The following DNAH1 variants were observed in gnomAD, a reference collection of about 807,000 sequenced individuals.
DNAH1 encodes the protein dynein axonemal heavy chain 1.
In DNAH1, 327 loss-of-function variants were observed where a neutral mutation model predicts 484.3. The observed-to-expected ratio is 0.68, with a 90% CI of 0.62 to 0.74. DNAH1 has a LOEUF of 0.74. Ranked by LOEUF, DNAH1 falls within the 30% of genes least tolerant of loss-of-function variation. The pLI, the probability that DNAH1 is intolerant of heterozygous loss-of-function variation, is 0.00. For missense variants in DNAH1, 5,052 were observed against 5,546.8 expected (o/e 0.91, Z 2.83); for synonymous variants, 2,192 against 2,191.9 (o/e 1.00, Z 0.00).
At chr3:52,338,802 G>A (rs1275954746) in intron 8 of DNAH1, among the ~76,000 whole-genome samples, 1 of 151,218 alleles carries the variant, frequency 6.6e-6, no homozygotes, top group Non-Finnish European at 1.5e-5. Flanking sequence ...GAGGTGGGTG[G>A]ATCGCCTGAG....
rs768564169 is a variant in DNAH1 at position 52,361,182 on chromosome 3, C to T, written c.4704C>T (p.Thr1568=). 34 of 1,609,684 alleles carry T rather than the reference C, an allele frequency of 2.1e-5. No individual in the cohort carries two copies. Among genetic ancestry groups the T allele is most frequent in the African/African-American group, 2.7e-5 (2 of 74,868 alleles). ...CCTGCAGGTGCTACCTGACACTGAC[C>T]GGAGCTCTGCACCTCAAGTTTGGGG... ...PLTDRCYLTL[T]GALHLKFGGA... is the part of the protein sequence containing the mutation. Residue 1568 remains threonine, a synonymous_variant, in exon 29 of 78, where the codon ACC becomes ACT. Coordinates refer to ENST00000420323, the MANE Select transcript of DNAH1 (RefSeq NM_015512.5). This position sits in a 1 kb window ranked among gnomAD's most constrained non-coding sequence, Gnocchi z 5.6.
chr3:52,330,392 CA>C (rs1419004300), intron 6 of DNAH1, among the ~76,000 whole-genome samples: 27 of 152,288 alleles, frequency 1.8e-4, no homozygotes, highest in Non-Finnish European at 2.9e-4. Flanking sequence ...GTGCCTGGGA[CA>C]GGGGTGCTAT....
chr3:52,328,673 C>T (rs1396510665), intron 6 of DNAH1, among the ~76,000 whole-genome samples: 1 of 152,262 alleles, frequency 6.6e-6, no homozygotes, highest in Non-Finnish European at 1.5e-5. Flanking sequence ...TCAGGCCTGC[C>T]CCAGCGGCTG....
chr3:52,389,805 TA>T (rs1270595801), intron 60 of DNAH1, among the ~76,000 whole-genome samples: 1 of 152,148 alleles, frequency 6.6e-6, no homozygotes. Flanking sequence ...GGAGAGGGAT[TA>T]GGGGTACTTT....
Position 52,355,126 on chromosome 3 carries a change from A to T in DNAH1, c.3693+71A>T. 6.8e-7 allele frequency: 1 copy of T among 1,477,866 alleles called. No individual in the cohort carries two copies. 91.5% of individuals were successfully genotyped at this position (1,477,866 alleles called of 1,614,324 possible). A position where few individuals can be genotyped will look rare whatever the true frequency, so the allele number is the denominator to read the frequency against. On this transcript the variant is annotated intron_variant, in intron 21 of 77. Transcript: ENST00000420323. The surrounding 1 kb of genome is among the most constrained non-coding windows in gnomAD (Gnocchi z 4.5). ...AGAGCCCGACCCACAGGTGTCACTGATGGTCTCCGGGTGGGGTTCAAAGCA... is the reference window on the plus strand; with the variant it reads ...AGAGCCCGACCCACAGGTGTCACTGTTGGTCTCCGGGTGGGGTTCAAAGCA...
Position 52,383,500 on chromosome 3 carries a change from A to G in DNAH1, c.8056A>G (p.Ile2686Val), listed in dbSNP as rs778862269. ...GATCGTCAGCACCATGCGGCCCTAT[A>G]TCCAGGAGCAGGGCCTACAGCCCAC... Reference protein sequence around the residue: ...DQIVSTMRPYIQEQGLQPTKA... With the variant: ...DQIVSTMRPYVQEQGLQPTKA... Residue 2686 changes from isoleucine to valine, a missense_variant, in exon 51 of 78, where the codon ATC becomes GTC. This residue lies in a region of DNAH1 where 2,929 missense variants were observed against 3,409.4 expected (regional missense o/e 0.86). Transcript: ENST00000420323. 5.0e-6 allele frequency: 8 copies of G among 1,613,870 alleles called. No individual in the cohort carries two copies. The highest frequency in any genetic ancestry group is 6.8e-6 in the Non-Finnish European group (8 of 1,179,826).
chr3:52,326,587 C>G (rs1701353507), intron 4 of DNAH1, 148 bp from the exon 5 acceptor site: 2 of 1,059,156 alleles, frequency 1.9e-6, no homozygotes, highest in Admixed American at 2.8e-5. Flanking sequence ...CACACCACTT[C>G]CTGATGAGTC....
At chr3:52,391,783 C>T (rs1380201097) in intron 63 of DNAH1, among the ~76,000 whole-genome samples, 180 bp downstream of exon 63, 1 of 152,166 alleles carries the variant, frequency 6.6e-6, no homozygotes, top group Admixed American at 6.5e-5. Context: ...TCCTCCTACC[C>T]ACTACTGTTT....
At position 52,396,919 on chromosome 3, in the gene DNAH1, G is replaced by A; in HGVS notation, c.11662G>A (p.Asp3888Asn). Reference sequence around the variant, plus strand: ...CAATTACGGGGGCCGTGTCACTGATGACTGGGACCGGCGCTGCATCATGAA... The same window carrying A: ...CAATTACGGGGGCCGTGTCACTGATAACTGGGACCGGCGCTGCATCATGAA... ...EINYGGRVTD[D>N]WDRRCIMNIL... Residue 3888 changes from aspartate (D) to asparagine (N), a missense_variant, in exon 73 of 78, where the codon GAC (aspartate) becomes AAC (asparagine). This residue lies in a region of DNAH1 where 853 missense variants were observed against 899.0 expected (regional missense o/e 0.95). Transcript: ENST00000420323. 6.3e-7 allele frequency: 1 copy of A among 1,593,614 alleles called. No homozygotes were observed. Among genetic ancestry groups the A allele is most frequent in the South Asian group, 1.1e-5 (1 of 90,648 alleles).
upstream of DNAH1, among the ~76,000 whole-genome samples, chr3:52,311,875 G>T (rs112145623): frequency 1.3e-5 from 2 of 152,188 alleles, no homozygotes; most frequent in African/African-American, 4.8e-5. Context: ...CTCTGGGCCC[G>T]CCAAAGCCGG....
rs746338722 is a variant in DNAH1, at chr3:52,396,601, C to T, written c.11431-17C>T. ...CCGTCCCCGCTCCTCACCTCCCCTG[C>T]CTCCCACCTCCCCCAGGTGATGGAG... On this transcript the variant is annotated splice_polypyrimidine_tract_variant and intron_variant, in intron 71 of 77. Coordinates refer to ENST00000420323, the MANE Select transcript of DNAH1 (RefSeq NM_015512.5). 6.2e-7 allele frequency: 1 copy of T among 1,610,696 alleles called. No homozygotes were observed. The highest frequency in any genetic ancestry group is 2.2e-5 in the East Asian group (1 of 44,794).
Position 52,395,799 on chromosome 3 carries a change from G to A in DNAH1, c.11259+121G>A. The A allele has an allele frequency of 7.2e-7, 1 of 1,390,910 alleles. No homozygotes were observed. Among genetic ancestry groups the A allele is most frequent in the Non-Finnish European group, 9.8e-7 (1 of 1,023,064 alleles). 86.2% of individuals were successfully genotyped at this position (1,390,910 alleles called of 1,614,324 possible). On this transcript the variant is annotated intron_variant, in intron 70 of 77. Coordinates refer to ENST00000420323, the MANE Select transcript of DNAH1 (RefSeq NM_015512.5). This position sits in a 1 kb window ranked among gnomAD's most constrained non-coding sequence, Gnocchi z 4.4. ...GCCCAGCCTCTAGCACGTGGCAAGT[G>A]CTCAGCAACTGACATGTGCCACACA... is the stretch of plus-strand genomic sequence containing the variant.
intron 6 of DNAH1, among the ~76,000 whole-genome samples, chr3:52,330,198 C>T (rs1216604352): frequency 6.6e-6 from 1 of 152,208 alleles, no homozygotes; most frequent in Non-Finnish European, 1.5e-5. Context: ...TTATCGAACA[C>T]CTGCAAGGTA....
chr3:52,324,288 G>C (rs1468820230), intron 3 of DNAH1, among the ~76,000 whole-genome samples: 15 of 152,182 alleles, frequency 9.9e-5, no homozygotes, highest in Admixed American at 9.8e-4. Context: ...ATAGATGCCT[G>C]GGAGATCCCT....
chr3:52,399,409 T>C (rs1463882137), intron 76 of DNAH1, 136 bp from the exon 77 acceptor site: 2 of 939,730 alleles, frequency 2.1e-6, no homozygotes, highest in Non-Finnish European at 3.2e-6. Context: ...CCACAGGCCA[T>C]GGGCTAAAGT....
chr3:52,327,313 A>G (rs1701382138), intron 5 of DNAH1, among the ~76,000 whole-genome samples: 2 of 152,084 alleles, frequency 1.3e-5, no homozygotes, highest in African/African-American at 4.8e-5. Flanking sequence ...AAATCAGGAA[A>G]CGAATCCAGG....
At chr3:52,373,735 C>G in intron 44 of DNAH1, 3 of 1,382,916 alleles carry the variant, frequency 2.2e-6, no homozygotes, top group Non-Finnish European at 3.1e-6. Flanking sequence ...GTTTCTGATC[C>G]ACTAAGTGAA....
Position 52,395,956 on chromosome 3 carries a change from T to C in DNAH1, c.11259+278T>C, listed in dbSNP as rs71297397. On this transcript the variant is annotated intron_variant, in intron 70 of 77. Transcript: ENST00000420323. This position sits in a 1 kb window ranked among gnomAD's most constrained non-coding sequence, Gnocchi z 4.4. ...CAAAGCCCTTTTTTTTTTTTTTTTT[T>C]CAGACGGAGTCTCACTCTGTCACCG... 0.054 allele frequency among the ~76,000 whole-genome samples: 8,021 copies of C among 149,426 alleles called. 397 individuals are homozygous for C. The highest frequency in any genetic ancestry group is 0.16 in the Admixed American group (2,392 of 14,970).
At position 52,358,229 on chromosome 3, in the gene DNAH1, GCAC is replaced by G. The variant is rs1702700137; in HGVS notation, c.4086+227_4086+229del. 6.6e-6 allele frequency among the ~76,000 whole-genome samples: 1 copy of G among 152,232 alleles called. No individual in the cohort carries two copies. The highest frequency in any genetic ancestry group is 6.5e-5 in the Admixed American group (1 of 15,284). On this transcript the variant is annotated intron_variant, in intron 24 of 77. Transcript: ENST00000420323. This position sits in a 1 kb window ranked among gnomAD's most constrained non-coding sequence, Gnocchi z 4.2. ...TCACCAGGCGCTCCCTGTGCCCCCA[GCAC>G]ACTGCAAAACCCATGAGGCCAGAAG... is the stretch of plus-strand genomic sequence containing the variant.
Sources: gnomAD v4.1 joint callset for allele counts (sites outside exome capture counted in the v4.1 genomes callset) on GRCh38, gnomAD v4.1.1 for gene constraint, gnomAD v4.1.1 regional missense constraint, Gnocchi (gnomAD v3.1) non-coding constraint, MANE v1.5 for transcripts, NCBI Gene and HGNC (gene_info 2026-07-23, HGNC 2026-07-21) for gene names.